Variants in CLECL1 observed in about 807,000 individuals in gnomAD.
CLECL1 encodes C-type lectin like 1, also known as C-type lectin-like domain family 1.
At chr12:9,718,028 G>A (rs560869854), downstream of CLECL1, among the ~76,000 whole-genome samples, 6 of 151,840 alleles carry the variant, frequency 4.0e-5, no homozygotes, top group Admixed American at 6.6e-5. Flanking sequence ...CTCAGAATAC[G>A]TTTTAAAAAT....
intron 3 of CLECL1, among the ~76,000 whole-genome samples, chr12:9,724,128 A>G (rs145639618): frequency 1.2e-3 from 182 of 151,688 alleles, no homozygotes; most frequent in Non-Finnish European, 2.2e-3. Context: ...TAAAGGTTGC[A>G]ATGAGCCCAG....
At chr12:9,732,671 T>C (rs1233099485) in intron 1 of CLECL1, among the ~76,000 whole-genome samples, 5 of 152,200 alleles carry the variant, frequency 3.3e-5, no homozygotes, top group Non-Finnish European at 5.9e-5. Flanking sequence ...CCGCTAGAAG[T>C]TGCTGTGTGA....
At chr12:9,712,511 C>G (rs891495471), downstream of CLECL1, among the ~76,000 whole-genome samples, 6 of 152,160 alleles carry the variant, frequency 3.9e-5, no homozygotes, top group Non-Finnish European at 8.8e-5. Flanking sequence ...CTTTTTATTT[C>G]TTTCTTTACA....
At chr12:9,729,197 T>C (rs1418299289) in intron 2 of CLECL1, among the ~76,000 whole-genome samples, 1 of 152,072 alleles carries the variant, frequency 6.6e-6, no homozygotes, top group Non-Finnish European at 1.5e-5. Flanking sequence ...TGACACAAGA[T>C]TGATGATACT....
At chr12:9,702,814 A>G in the CLECL1 span, among the ~76,000 whole-genome samples, 1 of 152,262 alleles carries the variant, frequency 6.6e-6, no homozygotes, top group East Asian at 1.9e-4. Flanking sequence ...AGTAACTCTG[A>G]AAACTGGGTC....
At chr12:9,728,542 A>G (rs1408136682) in intron 2 of CLECL1, among the ~76,000 whole-genome samples, 5 of 151,884 alleles carry the variant, frequency 3.3e-5, no homozygotes, top group Non-Finnish European at 7.4e-5. Context: ...TGCCTTCTAG[A>G]GAAACTTTTT....
chr12:9,719,851 T>C (rs1354655354), downstream of CLECL1, among the ~76,000 whole-genome samples: 1 of 152,248 alleles, frequency 6.6e-6, no homozygotes, highest in Admixed American at 6.5e-5. Context: ...AATCTGGAGA[T>C]TTGTTTGCCA....
At chr12:9,704,064 G>T in the CLECL1 span, 1 of 152,110 alleles carries the variant, frequency 6.6e-6, no homozygotes, top group South Asian at 2.1e-4. Context: ...GTTAAACAAT[G>T]TGTTAACATT....
At chr12:9,716,974 G>A (rs980723476) in intron 2 of CLECL1, among the ~76,000 whole-genome samples, 1 of 152,134 alleles carries the variant, frequency 6.6e-6, no homozygotes, top group African/African-American at 2.4e-5. Context: ...GCTCCAGCAG[G>A]GTCTGAATCC....
At chr12:9,713,151 C>T (rs550714753), downstream of CLECL1, among the ~76,000 whole-genome samples, 1 of 152,110 alleles carries the variant, frequency 6.6e-6, no homozygotes, top group Non-Finnish European at 1.5e-5. Flanking sequence ...CTGCATGCAC[C>T]GGTGGTCAGA....
At chr12:9,705,485 T>C in the CLECL1 span, among the ~76,000 whole-genome samples, 16 of 152,348 alleles carry the variant, frequency 1.1e-4, no homozygotes, top group East Asian at 3.1e-3. Flanking sequence ...CCTGTGTCTA[T>C]ATCCTGAATG....
At chr12:9,712,242 A>AGT (rs1866205364), downstream of CLECL1, among the ~76,000 whole-genome samples, 1 of 152,210 alleles carries the variant, frequency 6.6e-6, no homozygotes, top group Non-Finnish European at 1.5e-5. Flanking sequence ...TCATCCCCAT[A>AGT]GTCTATTCTG....
chr12:9,733,298 C>A, upstream of CLECL1: 1 of 1,452,100 alleles, frequency 6.9e-7, no homozygotes, highest in Non-Finnish European at 9.5e-7. Flanking sequence ...TAGTTTTCTG[C>A]CTAAACTTGA....
At chr12:9,721,838 C>T (rs1239954638), downstream of CLECL1, among the ~76,000 whole-genome samples, 1 of 152,170 alleles carries the variant, frequency 6.6e-6, no homozygotes, top group East Asian at 1.9e-4. Context: ...CAGAGCCTTA[C>T]AGTTTGACAT....
downstream of CLECL1, chr12:9,718,561 T>C (rs893874412): frequency 1.4e-5 from 7 of 493,786 alleles, 2 homozygotes; most frequent in Middle Eastern, 1.4e-3. Context: ...CCAAAATTCA[T>C]ATTTTGAAGT....
At chr12:9,703,622 TG>T in the CLECL1 span, among the ~76,000 whole-genome samples, 1 of 152,124 alleles carries the variant, frequency 6.6e-6, no homozygotes. Flanking sequence ...CTCAAAATTT[TG>T]GGGTCAAACA....
chr12:9,733,783 A>G (rs890816704), upstream of CLECL1, among the ~76,000 whole-genome samples: 4 of 152,240 alleles, frequency 2.6e-5, no homozygotes, highest in Admixed American at 1.3e-4. Flanking sequence ...GCAAACATAG[A>G]TTTTATCTCC....
chr12:9,729,038 G>A (rs1990533), intron 2 of CLECL1, among the ~76,000 whole-genome samples: 136,952 of 152,012 alleles, frequency 0.9, 61,731 homozygotes, highest in East Asian at 0.97. Context: ...ATATTTGTAA[G>A]GAACTTTTCC....
downstream of CLECL1, among the ~76,000 whole-genome samples, chr12:9,715,002 A>G (rs968812294): frequency 9.9e-5 from 15 of 152,180 alleles, no homozygotes; most frequent in Admixed American, 9.8e-4. Context: ...CTAATGTTAC[A>G]TATTTTCCTT....
Sources: allele counts gnomAD v4.1 joint callset (sites outside exome capture counted in the v4.1 genomes callset), GRCh38; gene constraint gnomAD v4.1.1; transcripts MANE v1.5; gene names NCBI Gene and HGNC (gene_info 2026-07-23, HGNC 2026-07-21).